DAB1: variants seen among roughly 807,000 people sequenced by gnomAD.
DAB1 encodes DAB adaptor protein 1.
In DAB1, 15 loss-of-function variants were observed where a neutral mutation model predicts 64.6. The observed-to-expected ratio is 0.23, with a 90% confidence interval of 0.16 to 0.36. The LOEUF (loss-of-function observed/expected upper bound fraction) is 0.36, where lower values mean the gene tolerates loss of function less well. Among genes scored for constraint, DAB1 ranks in the 10% least tolerant of loss-of-function variants. The pLI, the probability that DAB1 is intolerant of heterozygous loss-of-function variation, is 1.00. For missense variants in DAB1, 596 were observed against 706.7 expected (o/e 0.84, Z 1.78); for synonymous variants, 235 against 251.9 (o/e 0.93, Z 0.64).
chr1:57,106,005 C>A (rs575031375), intron 4 of DAB1, among the ~76,000 whole-genome samples: 24 of 152,258 alleles, frequency 1.6e-4, no homozygotes, highest in Admixed American at 9.8e-4. Context: ...GATCTCTTAA[C>A]CTCTGTAAGC....
chr1:57,262,793 G>T (rs1670282117), intron 2 of DAB1, among the ~76,000 whole-genome samples: 1 of 152,186 alleles, frequency 6.6e-6, no homozygotes, highest in Non-Finnish European at 1.5e-5. Context: ...CTCCCAGCCA[G>T]ATTCTGAGAG....
intron 2 of DAB1, among the ~76,000 whole-genome samples, chr1:57,220,460 T>C (rs1666774488): frequency 6.6e-6 from 1 of 152,218 alleles, no homozygotes; most frequent in South Asian, 2.1e-4. Context: ...TAAGACTTCC[T>C]ATCCATCATA....
intron 7 of DAB1, among the ~76,000 whole-genome samples, chr1:57,529,247 C>T (rs548281702): frequency 6.6e-6 from 1 of 151,812 alleles, no homozygotes; most frequent in African/African-American, 2.4e-5. Flanking sequence ...GCAAAGTCAA[C>T]AGAGATAAAA....
At chr1:57,182,689 G>C (rs67495443) in intron 2 of DAB1, among the ~76,000 whole-genome samples, 10,325 of 152,144 alleles carry the variant, frequency 0.068, 383 homozygotes, top group Middle Eastern at 0.095. Context: ...CCAGTCTCGG[G>C]GTAAGGAAAG....
intron 7 of DAB1, among the ~76,000 whole-genome samples, chr1:57,510,579 A>T (rs1644395219): frequency 6.6e-6 from 1 of 152,058 alleles, no homozygotes; most frequent in Non-Finnish European, 1.5e-5. Flanking sequence ...CTCTAATTTA[A>T]TATGCCTTTA....
At chr1:58,289,106 A>G (rs1661757180) in intron 4 of DAB1, among the ~76,000 whole-genome samples, 1 of 152,162 alleles carries the variant, frequency 6.6e-6, no homozygotes, top group Admixed American at 6.5e-5. Flanking sequence ...ACGCATTTGC[A>G]TTGAACAAAC....
chr1:58,336,140 C>T (rs1350500689), intron 4 of DAB1, among the ~76,000 whole-genome samples: 4 of 152,102 alleles, frequency 2.6e-5, no homozygotes, highest in Non-Finnish European at 4.4e-5. Context: ...GGCATGTAGT[C>T]AATGTTCAAT....
intron 4 of DAB1, among the ~76,000 whole-genome samples, chr1:58,227,901 CT>C (rs1343714356): frequency 6.6e-6 from 1 of 152,186 alleles, no homozygotes; most frequent in Non-Finnish European, 1.5e-5. Context: ...CATTTCCCCC[CT>C]CTGCTGACAA....
At position 58,068,504 on chromosome 1, in the gene DAB1, G is replaced by A. The variant is rs371462425; in HGVS notation, n.387+82007C>T. ...TGATCGCCTGGGCATGGTGGCTCAC[G>A]CCTGTAATCCCAGCACTTTGGGGGG... On this transcript the variant is annotated intron_variant and non_coding_transcript_variant, in intron 5 of 20. Coordinates refer to the DAB1 transcript ENST00000485760. Among the ~76,000 whole-genome samples the A allele has an allele frequency of 2.7e-3, 406 of 152,204 alleles. 19 individuals are homozygous for A. In the South Asian group the frequency reaches 0.08, roughly 30 times the overall value.
intron 7 of DAB1, among the ~76,000 whole-genome samples, chr1:57,434,060 T>C (rs1430343696): frequency 6.6e-6 from 1 of 152,136 alleles, no homozygotes; most frequent in African/African-American, 2.4e-5. Context: ...TGGTATCACC[T>C]TTTGGAAAAT....
intron 3 of DAB1, among the ~76,000 whole-genome samples, chr1:58,355,338 C>T (rs1044420238): frequency 6.6e-6 from 1 of 152,160 alleles, no homozygotes; most frequent in Non-Finnish European, 1.5e-5. Flanking sequence ...ATTGTTCAAT[C>T]TTTAATTATC....
chr1:57,732,545 C>T (rs1181841523), intron 6 of DAB1, among the ~76,000 whole-genome samples: 1 of 152,180 alleles, frequency 6.6e-6, no homozygotes, highest in Non-Finnish European at 1.5e-5. Flanking sequence ...ACTTATGTTC[C>T]TTTGCTATTA....
intron 1 of DAB1, among the ~76,000 whole-genome samples, chr1:57,845,268 C>T (rs1389065046): frequency 1.3e-5 from 2 of 152,130 alleles, no homozygotes; most frequent in African/African-American, 4.8e-5. Context: ...GATGATTAAA[C>T]TGTGAAGTGT....
At chr1:57,871,279 T>C (rs970564142) in intron 1 of DAB1, among the ~76,000 whole-genome samples, 4 of 149,514 alleles carry the variant, frequency 2.7e-5, no homozygotes, top group Non-Finnish European at 4.5e-5. Flanking sequence ...TATAACTATC[T>C]AAGAGGTAAT....
intron 2 of DAB1, among the ~76,000 whole-genome samples, chr1:57,168,518 C>T (rs1661420611): frequency 2.0e-5 from 3 of 152,292 alleles, no homozygotes; most frequent in Non-Finnish European, 2.9e-5. Context: ...TGTACCATTT[C>T]CTCTGTCAAG....
chr1:57,242,398 C>T (rs1302634332), intron 2 of DAB1, among the ~76,000 whole-genome samples: 1 of 152,058 alleles, frequency 6.6e-6, no homozygotes, highest in East Asian at 1.9e-4. Flanking sequence ...AGCAACTTTT[C>T]CAGAGGGGAA....
intron 2 of DAB1, among the ~76,000 whole-genome samples, chr1:57,287,430 T>C (rs1159083213): frequency 5.9e-5 from 9 of 152,056 alleles, no homozygotes; most frequent in African/African-American, 2.2e-4. Flanking sequence ...CTAGAAGCAA[T>C]CAGGAACGAG....
intron 5 of DAB1, among the ~76,000 whole-genome samples, chr1:58,085,568 A>G (rs1367095069): frequency 6.6e-6 from 1 of 151,830 alleles, no homozygotes; most frequent in Non-Finnish European, 1.5e-5. Context: ...TAGCCTCACT[A>G]TGTTGCCCAG....
chr1:57,689,377 G>C (rs1646737130), intron 6 of DAB1, among the ~76,000 whole-genome samples: 1 of 152,152 alleles, frequency 6.6e-6, no homozygotes, highest in South Asian at 2.1e-4. Context: ...GTGATAATGG[G>C]GTTTAAAAGA....
Sources: allele counts gnomAD v4.1 joint callset (sites outside exome capture counted in the v4.1 genomes callset), GRCh38; gene constraint gnomAD v4.1.1; transcripts MANE v1.5; gene names NCBI Gene and HGNC (gene_info 2026-07-23, HGNC 2026-07-21).